Variants in EPM2A observed in about 807,000 individuals in gnomAD.
EPM2A encodes EPM2A glucan phosphatase, laforin.
Under a neutral mutation model 26.5 loss-of-function variants are expected in EPM2A, and 21 were observed. The ratio of observed to expected loss-of-function variants is 0.79; its 90% CI spans 0.56 to 1.14. The LOEUF (loss-of-function observed/expected upper bound fraction) is 1.14, where lower values mean the gene tolerates loss of function less well. Among genes scored for constraint, EPM2A ranks in the 50% most tolerant of loss-of-function variants. The pLI, the probability that EPM2A is intolerant of heterozygous loss-of-function variation, is 0.00. For synonymous variants in EPM2A, 217 were observed against 177.6 expected (o/e 1.22, Z -1.76); for missense variants, 458 against 440.8 (o/e 1.04, Z -0.35).
At chr6:145,500,477 G>A (rs1198893809), downstream of EPM2A, among the ~76,000 whole-genome samples, 1 of 152,170 alleles carries the variant, frequency 6.6e-6, no homozygotes, top group Non-Finnish European at 1.5e-5. Context: ...ACTCAGATAT[G>A]TGGAACAGAG....
At chr6:145,416,807 A>T (rs1778714224) in intron 4 of EPM2A, among the ~76,000 whole-genome samples, 2 of 152,186 alleles carry the variant, frequency 1.3e-5, no homozygotes, top group South Asian at 4.1e-4. Flanking sequence ...AGACAAACTG[A>T]CAACATTTTG....
chr6:145,496,835 T>G (rs1285234926), downstream of EPM2A, among the ~76,000 whole-genome samples: 3 of 150,532 alleles, frequency 2.0e-5, no homozygotes, highest in African/African-American at 7.3e-5. Context: ...CTTCCTGGGT[T>G]CACGCCATTC....
chr6:145,594,789 G>GA (rs1322641867), intron 2 of EPM2A, among the ~76,000 whole-genome samples: 5 of 151,516 alleles, frequency 3.3e-5, no homozygotes, highest in Non-Finnish European at 7.4e-5. Context: ...TCCATCACAA[G>GA]AATTTAGGAC....
chr6:145,639,258 T>G (rs1441851294), intron 2 of EPM2A: 1 of 152,160 alleles, frequency 6.6e-6, no homozygotes, highest in Non-Finnish European at 1.5e-5. Context: ...AGCTCCACTA[T>G]AGACTATTTG....
intron 4 of EPM2A, among the ~76,000 whole-genome samples, chr6:145,448,886 A>G (rs987368267): frequency 1.3e-5 from 2 of 152,228 alleles, no homozygotes; most frequent in African/African-American, 2.4e-5. Context: ...TGTTTAACTT[A>G]TGAGTTACAC....
At chr6:145,618,679 C>G (rs763885027) in intron 2 of EPM2A, among the ~76,000 whole-genome samples, 14 of 152,190 alleles carry the variant, frequency 9.2e-5, no homozygotes, top group Non-Finnish European at 2.1e-4. Context: ...TTCCTTAGGC[C>G]TCCCAGGCCA....
At chr6:145,417,337 C>T (rs1276796956) in intron 4 of EPM2A, among the ~76,000 whole-genome samples, 1 of 152,178 alleles carries the variant, frequency 6.6e-6, no homozygotes, top group Non-Finnish European at 1.5e-5. Context: ...CCGCAGAATA[C>T]AGCTCTCAAA....
intron 4 of EPM2A, among the ~76,000 whole-genome samples, chr6:145,386,113 G>A (rs1778258546): frequency 2.0e-5 from 3 of 151,980 alleles, no homozygotes; most frequent in Admixed American, 2.0e-4. Flanking sequence ...ATAAAAAAAA[G>A]ATTTTAGGGA....
At chr6:145,695,845 A>C (rs2128621514) in intron 1 of EPM2A, among the ~76,000 whole-genome samples, 1 of 152,188 alleles carries the variant, frequency 6.6e-6, no homozygotes, top group East Asian at 1.9e-4. Context: ...ATAGTAGGGG[A>C]CTTTAATACT....
intron 4 of EPM2A, among the ~76,000 whole-genome samples, chr6:145,450,826 A>C (rs1779187072): frequency 6.6e-6 from 1 of 152,008 alleles, no homozygotes; most frequent in Non-Finnish European, 1.5e-5. Context: ...GATGAACATT[A>C]TTTGTCTTCC....
chr6:145,438,469 AT>A (rs68038397), intron 4 of EPM2A, among the ~76,000 whole-genome samples: 25,378 of 116,712 alleles, frequency 0.22, 2,527 homozygotes, highest in Middle Eastern at 0.28. Context: ...GAAGGGAATA[AT>A]TTTTTTTTTT....
chr6:145,422,796 C>T (rs964923908), intron 4 of EPM2A, among the ~76,000 whole-genome samples: 6 of 151,970 alleles, frequency 3.9e-5, no homozygotes, highest in African/African-American at 1.4e-4. Flanking sequence ...TCCCTAAATT[C>T]CTCCTAAACT....
chr6:145,644,395 C>T (rs1777306377), intron 2 of EPM2A, among the ~76,000 whole-genome samples: 1 of 152,122 alleles, frequency 6.6e-6, no homozygotes, highest in Admixed American at 6.6e-5. Flanking sequence ...ATTTACAGTG[C>T]TCATTGACCT....
At chr6:145,576,309 C>T (rs1781030731) in intron 2 of EPM2A, among the ~76,000 whole-genome samples, 1 of 152,330 alleles carries the variant, frequency 6.6e-6, no homozygotes, top group South Asian at 2.1e-4. Context: ...CGCTGTTGCA[C>T]ACTTTATTTC....
intron 2 of EPM2A, among the ~76,000 whole-genome samples, chr6:145,662,618 A>C (rs570763477): frequency 5.1e-4 from 78 of 152,308 alleles, no homozygotes; most frequent in Non-Finnish European, 4.0e-4. Flanking sequence ...GTCAAGGAGC[A>C]AGGTGGGGAT....
chr6:145,566,866 G>A (rs558331762), intron 2 of EPM2A, among the ~76,000 whole-genome samples: 2 of 152,276 alleles, frequency 1.3e-5, no homozygotes, highest in East Asian at 3.9e-4. Context: ...AGTAAATTAG[G>A]AAAGAAAATT....
intron 1 of EPM2A, among the ~76,000 whole-genome samples, chr6:145,687,999 T>C (rs749382486): frequency 1.3e-5 from 2 of 152,200 alleles, no homozygotes; most frequent in Non-Finnish European, 2.9e-5. Flanking sequence ...CAGAGATACA[T>C]GCGTACAGTA....
intron 2 of EPM2A, among the ~76,000 whole-genome samples, chr6:145,612,475 G>A (rs1775411822): frequency 6.6e-6 from 1 of 151,908 alleles, no homozygotes; most frequent in Non-Finnish European, 1.5e-5. Context: ...TAACAATTAT[G>A]CTTTATTCTT....
intron 4 of EPM2A, among the ~76,000 whole-genome samples, chr6:145,418,438 T>C (rs773283228): frequency 3.9e-5 from 6 of 152,160 alleles, no homozygotes; most frequent in Non-Finnish European, 7.3e-5. Context: ...TGACAGGTGC[T>C]GGAAAAGAGA....
Sources: allele counts gnomAD v4.1 joint callset (sites outside exome capture counted in the v4.1 genomes callset), GRCh38; gene constraint gnomAD v4.1.1; transcripts MANE v1.5; gene names NCBI Gene and HGNC (gene_info 2026-07-23, HGNC 2026-07-21).